The following PLCH2 variants were observed in gnomAD, a reference collection of about 807,000 sequenced individuals.
PLCH2 encodes the protein phospholipase C eta 2, also known as 1-phosphatidylinositol 4,5-bisphosphate phosphodiesterase eta-2.
A neutral mutation model predicts 134.7 loss-of-function variants in PLCH2; 98 were observed. That is an observed-to-expected ratio of 0.73 (90% confidence interval 0.62 to 0.86). The LOEUF is 0.86. Ranked by LOEUF, PLCH2 falls within the 40% of genes least tolerant of loss-of-function variation. The pLI is 0.00. For synonymous variants in PLCH2, 974 were observed against 827.5 expected (o/e 1.18, Z -3.04); for missense variants, 1,994 against 1,986.6 (o/e 1.00, Z -0.07).
chr1:2,487,412 G>A lies in PLCH2; in HGVS notation c.1114+36G>A, dbSNP rs369106682. 8.7e-4 allele frequency: 1,377 copies of A among 1,579,860 alleles called. 3 individuals are homozygous for A. The highest frequency in any genetic ancestry group is 1.8e-3 in the Middle Eastern group (10 of 5,638). ...GACCTTGGGTGACGGCCGTGGGCTG[G>A]CATCTGCTGTGGGAGATGGGCTGCA... On this transcript the variant is annotated intron_variant, in intron 7 of 21. Transcript: ENST00000378486.
upstream of PLCH2, among the ~76,000 whole-genome samples, chr1:2,473,857 A>G (rs1641469260): frequency 1.3e-5 from 2 of 152,312 alleles, no homozygotes; most frequent in South Asian, 4.1e-4. Context: ...GGCCCTTCCC[A>G]GTCTGGCCTC....
upstream of PLCH2, among the ~76,000 whole-genome samples, chr1:2,465,855 C>T (rs2100602514): frequency 6.6e-6 from 1 of 152,232 alleles, no homozygotes; most frequent in East Asian, 1.9e-4. Context: ...GGCCTCTGTC[C>T]ACTCCAAGGA....
chr1:2,503,418 T>G, intron 21 of PLCH2: 1 of 593,446 alleles, frequency 1.7e-6, no homozygotes, highest in Non-Finnish European at 3.0e-6. Context: ...CTGGGACGCC[T>G]GGAGCCTGCT....
chr1:2,482,758 G>T (rs1379478437), intron 4 of PLCH2, among the ~76,000 whole-genome samples: 1 of 152,182 alleles, frequency 6.6e-6, no homozygotes, highest in Non-Finnish European at 1.5e-5. Context: ...GTGGCCACGG[G>T]AGGAGGCAAG....
chr1:2,464,790 G>A (rs1331514964), upstream of PLCH2, among the ~76,000 whole-genome samples: 1 of 152,248 alleles, frequency 6.6e-6, no homozygotes, highest in Non-Finnish European at 1.5e-5. Flanking sequence ...CCAGCTGAAA[G>A]AGATGAGATG....
At position 2,504,824 on chromosome 1, in the gene PLCH2, CG is replaced by C. The variant is rs770176024; in HGVS notation, c.3865del (p.Val1289CysfsTer6). On this transcript the variant is annotated frameshift_variant, in exon 22 of 22. Coordinates refer to ENST00000378486, the MANE Select transcript of PLCH2 (RefSeq NM_014638.4). LOFTEE classifies it high-confidence loss of function. ...HSLGLPGGTR[R>X]VSGPGVRRDT... ...CCTGGGCCTCCCGGGAGGGACACGGCGGGTGTCGGGGCCAGGGGTGAGACGG... is the reference window on the plus strand; with the variant it reads ...CCTGGGCCTCCCGGGAGGGACACGGCGGTGTCGGGGCCAGGGGTGAGACGG... The C allele has an allele frequency of 4.4e-6, 7 of 1,609,112 alleles. No homozygotes were observed. Among genetic ancestry groups the C allele is most frequent in the Non-Finnish European group, 5.9e-6 (7 of 1,178,456 alleles).
At position 2,444,683 on chromosome 1, in the gene PLCH2, C is replaced by G. The variant is rs1240704219; in HGVS notation, c.115+14054C>G. On this transcript the variant is annotated intron_variant, in intron 2 of 3. Transcript: ENST00000609981. This position sits in a 1 kb window ranked among gnomAD's most constrained non-coding sequence, Gnocchi z 4.6. ...GCTTCCCCTCCCCTCCGCTCCCCGC[C>G]TCCCACACTGTCTGGTGACACTGGA... Among the ~76,000 whole-genome samples, 1 of 152,142 alleles carries G rather than the reference C, an allele frequency of 6.6e-6. No homozygotes were observed. Among genetic ancestry groups the G allele is most frequent in the African/African-American group, 2.4e-5 (1 of 41,434 alleles).
chr1:2,466,420 C>T (rs571616843), upstream of PLCH2, among the ~76,000 whole-genome samples: 3 of 152,318 alleles, frequency 2.0e-5, no homozygotes, highest in South Asian at 4.1e-4. Context: ...CAGGCAGCTG[C>T]GCCCAGGGGC....
chr1:2,499,582 G>A, intron 19 of PLCH2, 59 bp from the exon 20 acceptor site: 9 of 1,265,492 alleles, frequency 7.1e-6, no homozygotes, highest in African/African-American at 1.5e-5. Flanking sequence ...GGGGGGCAGA[G>A]CAGGTGGGGG....
intron 2 of PLCH2, among the ~76,000 whole-genome samples, chr1:2,460,063 C>T (rs557903694): frequency 2.6e-5 from 4 of 152,380 alleles, no homozygotes; most frequent in Admixed American, 6.5e-5. Flanking sequence ...CTCCAGCTGG[C>T]GCTGTCCAGC....
At position 2,489,206 on chromosome 1, in the gene PLCH2, G is replaced by A; in HGVS notation, c.1236-1G>A. ...CTGCTCTTTCTGCCTTGGGGCCACAGGTACCCAGTGATCCTGTCCATCGAA... is the reference window on the plus strand; with the variant it reads ...CTGCTCTTTCTGCCTTGGGGCCACAAGTACCCAGTGATCCTGTCCATCGAA... On this transcript the variant is annotated splice_acceptor_variant, in intron 8 of 21. Coordinates refer to ENST00000378486, the MANE Select transcript of PLCH2 (RefSeq NM_014638.4). LOFTEE classifies it high-confidence loss of function. 1 of 1,613,458 alleles carries A rather than the reference G, an allele frequency of 6.2e-7. No individual in the cohort carries two copies. The highest frequency in any genetic ancestry group is 8.5e-7 in the Non-Finnish European group (1 of 1,179,636).
chr1:2,478,383 C>T (rs556277696), intron 1 of PLCH2, 93 bp from the exon 2 acceptor site: 292 of 1,471,604 alleles, frequency 2.0e-4, no homozygotes, highest in South Asian at 1.1e-3. Flanking sequence ...GTGTTTCTCC[C>T]GTGAGGAGTG....
At chr1:2,417,811 G>T in the PLCH2 span, among the ~76,000 whole-genome samples, 1 of 152,216 alleles carries the variant, frequency 6.6e-6, no homozygotes, top group Non-Finnish European at 1.5e-5. Flanking sequence ...AGGGGCTACA[G>T]CCTCTGCGCT....
intron 19 of PLCH2, among the ~76,000 whole-genome samples, 155 bp downstream of exon 19, chr1:2,499,385 A>G (rs1643085020): frequency 6.6e-6 from 1 of 152,116 alleles, no homozygotes; most frequent in South Asian, 2.1e-4. Context: ...CAGCCTGGGG[A>G]TCTGCGGGTC....
intron 4 of PLCH2, among the ~76,000 whole-genome samples, chr1:2,482,081 G>T (rs1374577378): frequency 1.3e-5 from 2 of 152,270 alleles, no homozygotes; most frequent in African/African-American, 2.4e-5. Flanking sequence ...ACCGAGGCAG[G>T]CTCAGCCAAA....
Position 2,487,678 on chromosome 1 carries a change from G to T in PLCH2, c.1195G>T (p.Val399Phe). The T allele has an allele frequency of 1.2e-6, 2 of 1,613,500 alleles. No homozygotes were observed. The highest frequency in any genetic ancestry group is 8.5e-7 in the Non-Finnish European group (1 of 1,179,800). The change falls in exon 8 of 22, where the codon GTC (valine) becomes TTC (phenylalanine). Residue 399 changes from valine to phenylalanine, a missense_variant. Transcript: ENST00000378486. ...TLTSKILFKD[V>F]IETINKYAFI... ...GACTTCCAAGATCCTCTTCAAAGAC[G>T]TCATTGAAACCATCAACAAATATGC...
chr1:2,471,435 G>C (rs900548480), upstream of PLCH2, among the ~76,000 whole-genome samples: 22 of 152,210 alleles, frequency 1.4e-4, no homozygotes, highest in African/African-American at 5.1e-4. Context: ...CTGCTTGGAG[G>C]GTCCAGTGGC....
At chr1:2,472,689 A>G (rs1318000619), upstream of PLCH2, among the ~76,000 whole-genome samples, 1 of 152,112 alleles carries the variant, frequency 6.6e-6, no homozygotes, top group East Asian at 1.9e-4. Flanking sequence ...GGGTGGGCCC[A>G]GGGAGGTCCT....
intron 2 of PLCH2, 131 bp from the exon 3 acceptor site, chr1:2,479,603 G>C: frequency 1.1e-6 from 1 of 879,506 alleles, no homozygotes; most frequent in South Asian, 1.7e-5. Context: ...TCTGGACCCT[G>C]AGCCCTGCCG....
Sources: gnomAD v4.1 joint callset for allele counts (sites outside exome capture counted in the v4.1 genomes callset) on GRCh38, gnomAD v4.1.1 for gene constraint, Gnocchi (gnomAD v3.1) non-coding constraint, MANE v1.5 for transcripts, NCBI Gene and HGNC (gene_info 2026-07-23, HGNC 2026-07-21) for gene names.